AMBRA1: variants seen among roughly 807,000 people sequenced by gnomAD.
The protein encoded by AMBRA1 is activating molecule in BECN1-regulated autophagy protein 1.
Under a neutral mutation model 125.4 loss-of-function variants are expected in AMBRA1, and 47 were observed. That is an observed-to-expected ratio of 0.37 (90% CI 0.30 to 0.48). The LOEUF (loss-of-function observed/expected upper bound fraction) is 0.48. Among genes scored for constraint, AMBRA1 ranks in the 20% least tolerant of loss-of-function variants. The probability of loss-of-function intolerance (pLI) is 0.99; values close to 1 mark genes in which losing one functional copy is unlikely to be tolerated. For synonymous variants in AMBRA1, 626 were observed against 655.5 expected (o/e 0.95, Z 0.69); for missense variants, 1,331 against 1,693.4 (o/e 0.79, Z 3.76).
intron 7 of AMBRA1, among the ~76,000 whole-genome samples, chr11:46,516,000 A>T (rs545702441): frequency 6.6e-6 from 1 of 152,266 alleles, no homozygotes; most frequent in South Asian, 2.1e-4. Flanking sequence ...CAATCCTAAA[A>T]GTCTATTTCC....
At chr11:46,552,261 T>C (rs1243851006) in intron 1 of AMBRA1, among the ~76,000 whole-genome samples, 1 of 142,478 alleles carries the variant, frequency 7.0e-6, no homozygotes, top group African/African-American at 2.6e-5. Flanking sequence ...CCCAGCTACT[T>C]GGGAGGCTGA....
At chr11:46,505,535 C>A (rs1951000672) in intron 9 of AMBRA1, among the ~76,000 whole-genome samples, 1 of 152,172 alleles carries the variant, frequency 6.6e-6, no homozygotes, top group East Asian at 1.9e-4. Flanking sequence ...CCAGAAGGGA[C>A]TTTCCAAGGA....
At position 46,417,915 on chromosome 11, in the gene AMBRA1, T is replaced by G. The variant is rs145568995; in HGVS notation, c.3114A>C (p.Pro1038=). Residue 1038 remains proline (P), a splice_region_variant and synonymous_variant, in exon 15 of 18, where the codon CCA becomes CCC. Transcript: ENST00000683756. ...TNKGDLVICR[P]EALNSGVEYY... The stretch of plus-strand genomic sequence containing the variant: ...CCCCCACACTTTAAGCCACTTACTC[T>G]GGTCGGCAGATCACCAGGTCTCCTT... 6.2e-7 allele frequency: 1 copy of G among 1,608,574 alleles called. No individual in the cohort carries two copies. Among genetic ancestry groups the G allele is most frequent in the Non-Finnish European group, 8.5e-7 (1 of 1,175,974 alleles).
intron 8 of AMBRA1, 23 bp from the exon 9 acceptor site, chr11:46,508,393 A>G: frequency 6.2e-7 from 1 of 1,608,650 alleles, no homozygotes; most frequent in Non-Finnish European, 8.5e-7. Context: ...GAGATGGACA[A>G]ACACAAACTA....
At chr11:46,497,353 C>G (rs966968545) in intron 9 of AMBRA1, among the ~76,000 whole-genome samples, 1 of 152,092 alleles carries the variant, frequency 6.6e-6, no homozygotes, top group African/African-American at 2.4e-5. Flanking sequence ...GAAGGTTACA[C>G]GAGGCACTAT....
At position 46,547,884 on chromosome 11, in the gene AMBRA1, C is replaced by CA. The variant is rs58268270; in HGVS notation, c.136-10dup. 72,654 of 1,363,822 alleles carry CA rather than the reference C, an allele frequency of 0.053. 762 individuals carry two copies. The highest frequency in any genetic ancestry group is 0.22 in the African/African-American group (13,101 of 58,414). The allele number at this position is 1,363,822 out of a possible 1,614,324, so 84.5% of individuals were successfully genotyped here. ...TCCGGCAGTTCTACTCTCTGGGAGA[C>CA]AAAAAAAAAAAAAAAGTTAAAATAC... On this transcript the variant is annotated splice_polypyrimidine_tract_variant and intron_variant, in intron 2 of 17. Transcript: ENST00000683756.
chr11:46,554,875 A>C (rs2043117723), intron 1 of AMBRA1, among the ~76,000 whole-genome samples: 1 of 152,188 alleles, frequency 6.6e-6, no homozygotes, highest in South Asian at 2.1e-4. Context: ...AGTCCCCAAA[A>C]TCAATTCTCA....
chr11:46,409,351 C>T (rs1191478648), intron 16 of AMBRA1, among the ~76,000 whole-genome samples: 2 of 152,252 alleles, frequency 1.3e-5, no homozygotes, highest in African/African-American at 2.4e-5. Context: ...CAGGCATACA[C>T]CACCATGCTC....
At chr11:46,484,651 C>CT (rs369572491) in intron 11 of AMBRA1, among the ~76,000 whole-genome samples, 128 of 147,358 alleles carry the variant, frequency 8.7e-4, no homozygotes, top group African/African-American at 1.6e-3. Flanking sequence ...ACTTCTTTGG[C>CT]TTTTTTTTTT....
chr11:46,397,535 T>A lies in AMBRA1; in HGVS notation c.3812A>T (p.Glu1271Val). 6.5e-7 allele frequency: 1 copy of A among 1,546,926 alleles called. No homozygotes were observed. Among genetic ancestry groups the A allele is most frequent in the South Asian group, 1.2e-5 (1 of 80,340 alleles). The change falls in exon 18 of 18, where the codon GAG becomes GTG. Residue 1271 changes from glutamate (E) to valine (V), a missense_variant. By Grantham distance (121) the Glu-to-Val change is moderately radical. Around this residue, in one of 4 missense-constraint regions of AMBRA1, gnomAD observed 144 missense variants for 133.9 expected, o/e 1.08. Coordinates refer to ENST00000683756, the MANE Select transcript of AMBRA1 (RefSeq NM_001387011.1). ...CAGAAGGTGGTTGTTATTGGTCAAC[T>A]CGCAGTGGAGGGTTGGTCCCTCAGC... ...PSAEGPTLHC[E>V]LTNNNHLLDG...
At chr11:46,518,918 T>A (rs1951637960) in intron 7 of AMBRA1, among the ~76,000 whole-genome samples, 1 of 152,230 alleles carries the variant, frequency 6.6e-6, no homozygotes, top group African/African-American at 2.4e-5. Context: ...TCAGCTGTAT[T>A]CTTGATCACT....
intron 11 of AMBRA1, among the ~76,000 whole-genome samples, chr11:46,481,933 T>C (rs1430774118): frequency 6.6e-6 from 1 of 152,260 alleles, no homozygotes; most frequent in African/African-American, 2.4e-5. Flanking sequence ...GTACTTGGTA[T>C]AGAACAAATG....
At chr11:46,416,105 A>G (rs181034126) in intron 15 of AMBRA1, among the ~76,000 whole-genome samples, 7 of 152,354 alleles carry the variant, frequency 4.6e-5, no homozygotes, top group Non-Finnish European at 7.3e-5. Context: ...GTCTTGGAGA[A>G]ACAGGGAAAG....
rs968828597 is a variant in AMBRA1, at chr11:46,553,721, G to A, written c.-120-5221C>T. Among the ~76,000 whole-genome samples, 9 of 151,788 alleles carry A rather than the reference G, an allele frequency of 5.9e-5. No individual in the cohort carries two copies. In the East Asian group the frequency reaches 1.7e-3, roughly 29 times the overall value. ...GACCGTGCCATTGTACTTCAGCCTG[G>A]GTGACAGAGTGAGACTCCATCTCAA... On this transcript the variant is annotated intron_variant, in intron 1 of 17. Coordinates refer to ENST00000683756, the MANE Select transcript of AMBRA1 (RefSeq NM_001387011.1).
Position 46,457,359 on chromosome 11 carries a change from C to T in AMBRA1, c.2522-13761G>A, listed in dbSNP as rs557186611. ...TTGGTGGTCAAAGGTGAGGTTAGAT[C>T]GGAAAATGGACTCCTAAATACAACA... On this transcript the variant is annotated intron_variant, in intron 11 of 17. Transcript: ENST00000683756. Among the ~76,000 whole-genome samples, 6 of 152,240 alleles carry T rather than the reference C, an allele frequency of 3.9e-5. No individual in the cohort carries two copies. The South Asian group carries it at 8.3e-4, about 21-fold the overall frequency.
chr11:46,589,513 T>C (rs2044516003), intron 1 of AMBRA1, among the ~76,000 whole-genome samples: 1 of 152,202 alleles, frequency 6.6e-6, no homozygotes, highest in Non-Finnish European at 1.5e-5. Context: ...AAAATAACTC[T>C]ACCAAGGCTG....
At position 46,538,900 on chromosome 11, in the gene AMBRA1, T is replaced by TA. The variant is rs140520376; in HGVS notation, c.2072+3044dup. 7.0e-3 allele frequency among the ~76,000 whole-genome samples: 1,071 copies of TA among 152,302 alleles called. 18 individuals carry two copies. The highest frequency in any genetic ancestry group is 0.025 in the African/African-American group (1,023 of 41,570). Reference sequence around the variant, plus strand: ...GTCACATGTGATTATTTAAATTACTTAAAAATTTAAAGATTACATTTATTT... The same window carrying TA: ...GTCACATGTGATTATTTAAATTACTTAAAAAATTTAAAGATTACATTTATTT... On this transcript the variant is annotated intron_variant, in intron 7 of 17. Coordinates refer to ENST00000683756, the MANE Select transcript of AMBRA1 (RefSeq NM_001387011.1).
At chr11:46,493,536 T>G in intron 11 of AMBRA1, 72 bp downstream of exon 11, 1 of 1,244,740 alleles carries the variant, frequency 8.0e-7, no homozygotes, top group Non-Finnish European at 1.1e-6. Flanking sequence ...TCAACATAGG[T>G]AAAGGAGGGA....
At chr11:46,450,722 C>G (rs1948547726) in intron 11 of AMBRA1, among the ~76,000 whole-genome samples, 1 of 152,108 alleles carries the variant, frequency 6.6e-6, no homozygotes, top group Non-Finnish European at 1.5e-5. Context: ...GGATTATAGG[C>G]ATGAGCCACC....
Sources: allele counts gnomAD v4.1 joint callset (sites outside exome capture counted in the v4.1 genomes callset), GRCh38; gene constraint gnomAD v4.1.1; regional missense constraint gnomAD v4.1.1; transcripts MANE v1.5; gene names NCBI Gene and HGNC (gene_info 2026-07-23, HGNC 2026-07-21).